PCMTD1: variants seen among roughly 807,000 people sequenced by gnomAD.
PCMTD1 encodes protein-L-isoaspartate (D-aspartate) O-methyltransferase domain containing 1, also known as protein-L-isoaspartate O-methyltransferase domain-containing protein 1.
A neutral mutation model predicts 37.6 loss-of-function variants in PCMTD1; 12 were observed. That is an observed-to-expected ratio of 0.32 (90% CI 0.20 to 0.52). The LOEUF (loss-of-function observed/expected upper bound fraction) is 0.52, where lower values mean the gene tolerates loss of function less well. PCMTD1 is among the 20% of genes least tolerant of loss of function. PCMTD1 has a pLI of 0.97. For synonymous variants in PCMTD1, 117 were observed against 135.8 expected, an observed-to-expected ratio of 0.86 and a Z score of 0.96; for missense variants, 235 against 421.3, an observed-to-expected ratio of 0.56 and a Z score of 3.87.
intron 1 of PCMTD1, among the ~76,000 whole-genome samples, chr8:51,882,742 G>A (rs1585851967): frequency 6.8e-6 from 1 of 148,048 alleles, no homozygotes; most frequent in Non-Finnish European, 1.5e-5. Flanking sequence ...AACATAGCCT[G>A]TTTGGGGTAT....
intron 1 of PCMTD1, among the ~76,000 whole-genome samples, chr8:51,875,741 G>T (rs902101951): frequency 1.3e-5 from 2 of 152,114 alleles, no homozygotes; most frequent in African/African-American, 4.8e-5. Context: ...ACCAACGTGG[G>T]CAACATGGAG....
At chr8:51,884,322 C>A (rs1304096478) in intron 1 of PCMTD1, among the ~76,000 whole-genome samples, 1 of 152,072 alleles carries the variant, frequency 6.6e-6, no homozygotes, top group African/African-American at 2.4e-5. Flanking sequence ...GAGAGAATAC[C>A]GGAAGCAAGC....
At chr8:51,849,738 T>C (rs924155165) in intron 2 of PCMTD1, 3 of 243,194 alleles carry the variant, frequency 1.2e-5, no homozygotes, top group African/African-American at 6.7e-5. Flanking sequence ...CATTTATCAT[T>C]TACCAATTAG....
chr8:51,889,422 C>T (rs769549765), intron 1 of PCMTD1, among the ~76,000 whole-genome samples: 5 of 152,052 alleles, frequency 3.3e-5, no homozygotes, highest in South Asian at 2.1e-4. Context: ...GGATGGGAAA[C>T]GAAGGAAAGG....
chr8:51,881,243 G>GGT (rs1256656537), intron 1 of PCMTD1, among the ~76,000 whole-genome samples: 4 of 77,484 alleles, frequency 5.2e-5, no homozygotes, highest in African/African-American at 7.6e-5. Flanking sequence ...AAGAAATCCA[G>GGT]TGCCTGTGTT....
intron 1 of PCMTD1, among the ~76,000 whole-genome samples, chr8:51,877,527 C>T (rs2038730358): frequency 2.0e-5 from 3 of 152,172 alleles, no homozygotes; most frequent in East Asian, 1.9e-4. Flanking sequence ...TTTTTTATTA[C>T]GGCTAGCAGA....
In PCMTD1 at chr8:51,818,758, T is replaced by A. The variant is rs1245399002; in HGVS notation, c.*1593A>T. The A allele has an allele frequency of 4.6e-5, 7 of 152,326 alleles. No homozygotes were observed. Among genetic ancestry groups the A allele is most frequent in the African/African-American group, 1.7e-4 (7 of 41,486 alleles). 9.4% of individuals were successfully genotyped at this position (152,326 alleles called of 1,614,324 possible). A position where few individuals can be genotyped will look rare whatever the true frequency, so the allele number is the denominator to read the frequency against. On this transcript the variant is annotated 3_prime_UTR_variant, in exon 6 of 6. Coordinates refer to ENST00000522514, the MANE Select transcript of PCMTD1 (RefSeq NM_052937.4). ...AATATCCTCACTTACTTGGAACAAT[T>A]TCATGCTTACACATGATCACAAACA...
At chr8:51,854,347 T>C (rs895017583) in intron 2 of PCMTD1, among the ~76,000 whole-genome samples, 7 of 149,884 alleles carry the variant, frequency 4.7e-5, no homozygotes, top group Admixed American at 2.7e-4. Flanking sequence ...TAACGACTTC[T>C]ACTCCACAAC....
At chr8:51,867,476 G>GGTGTGTGTGT (rs59206546) in intron 1 of PCMTD1, among the ~76,000 whole-genome samples, 45 of 141,590 alleles carry the variant, frequency 3.2e-4, no homozygotes, top group African/African-American at 6.6e-4. Flanking sequence ...TAAAGAAAAT[G>GGTGTGTGTGT]GTGTGTGTGT....
rs2037932138 is a variant in PCMTD1, at chr8:51,827,116, A to T, written c.706+4328T>A. 8.9e-6 allele frequency: 9 copies of T among 1,008,246 alleles called. No individual in the cohort carries two copies. The South Asian group carries it at 3.3e-4, about 37-fold the overall frequency. The allele number at this position is 1,008,246 out of a possible 1,614,324, so 62.5% of individuals were successfully genotyped here. The stretch of plus-strand genomic sequence containing the variant: ...TAACTTACTTCTACACACCCACAAA[A>T]ACTTATTCTCCATACATCCTATTAA... On this transcript the variant is annotated intron_variant, in intron 5 of 5. Coordinates refer to ENST00000522514, the MANE Select transcript of PCMTD1 (RefSeq NM_052937.4).
At chr8:51,846,342 G>A (rs4570148) in intron 2 of PCMTD1, among the ~76,000 whole-genome samples, 104,512 of 152,012 alleles carry the variant, frequency 0.69, 42,365 homozygotes, top group Non-Finnish European at 0.9. Flanking sequence ...CTTTCTCTTT[G>A]CATATGCCCA....
intron 2 of PCMTD1, among the ~76,000 whole-genome samples, chr8:51,855,291 G>A (rs1201399343): frequency 6.6e-6 from 1 of 150,612 alleles, no homozygotes; most frequent in Non-Finnish European, 1.5e-5. Context: ...ACTTTGGGAG[G>A]CCAAAGTGGG....
At chr8:51,836,694 T>C (rs1167044133) in intron 3 of PCMTD1, among the ~76,000 whole-genome samples, 1 of 152,162 alleles carries the variant, frequency 6.6e-6, no homozygotes, top group African/African-American at 2.4e-5. Context: ...TTTCTAGAAA[T>C]AAAGTTACAG....
At chr8:51,850,220 A>G (rs573109236) in intron 2 of PCMTD1, 70 of 596,010 alleles carry the variant, frequency 1.2e-4, no homozygotes, top group South Asian at 1.1e-3. Flanking sequence ...AGTCCCTGGG[A>G]AAAAGCATTA....
At position 51,863,595 on chromosome 8, in the gene PCMTD1, T is replaced by C. The variant is rs141315059; in HGVS notation, c.-95-2349A>G. On this transcript the variant is annotated intron_variant, in intron 1 of 5. Coordinates refer to ENST00000522514, the MANE Select transcript of PCMTD1 (RefSeq NM_052937.4). ...TGAGGCCAGGAGTTCAAGACCAGCC[T>C]GGCCAGCATGGCGAAATCCTGTCTC... Among the ~76,000 whole-genome samples, 6 of 152,286 alleles carry C rather than the reference T, an allele frequency of 3.9e-5. No homozygotes were observed. The East Asian group carries it at 9.7e-4, about 25-fold the overall frequency.
At chr8:51,842,806 A>T (rs893930256) in intron 3 of PCMTD1, among the ~76,000 whole-genome samples, 3 of 152,152 alleles carry the variant, frequency 2.0e-5, no homozygotes, top group Non-Finnish European at 4.4e-5. Flanking sequence ...GGGACTGATT[A>T]AAAAAGATCC....
chr8:51,880,949 T>G (rs1470161091), intron 1 of PCMTD1, among the ~76,000 whole-genome samples: 1 of 152,218 alleles, frequency 6.6e-6, no homozygotes, highest in East Asian at 1.9e-4. Context: ...TGTCATAAAA[T>G]AGTCTTCCAA....
At chr8:51,856,002 T>C (rs1437889468) in intron 2 of PCMTD1, among the ~76,000 whole-genome samples, 1 of 152,010 alleles carries the variant, frequency 6.6e-6, no homozygotes, top group African/African-American at 2.4e-5. Context: ...AGAATGAGAG[T>C]TGAGGGACGG....
chr8:51,864,438 A>T (rs1304570928), intron 1 of PCMTD1, among the ~76,000 whole-genome samples: 1 of 152,196 alleles, frequency 6.6e-6, no homozygotes, highest in African/African-American at 2.4e-5. Flanking sequence ...AGCAACTGAA[A>T]TGAGTATTCC....
Sources: gnomAD v4.1 joint callset for allele counts (sites outside exome capture counted in the v4.1 genomes callset) on GRCh38, gnomAD v4.1.1 for gene constraint, MANE v1.5 for transcripts, NCBI Gene and HGNC (gene_info 2026-07-23, HGNC 2026-07-21) for gene names.